The following GALNT13 variants were observed in gnomAD, a reference collection of about 807,000 sequenced individuals.
GALNT13 encodes polypeptide N-acetylgalactosaminyltransferase 13.
A neutral mutation model predicts 64.2 loss-of-function variants in GALNT13; 28 were observed. That is an observed-to-expected ratio of 0.44 (90% CI 0.32 to 0.60). The LOEUF (loss-of-function observed/expected upper bound fraction) is 0.60. GALNT13 is among the 20% of genes least tolerant of loss of function. The probability of loss-of-function intolerance (pLI) is 0.05; values close to 1 mark genes in which losing one functional copy is unlikely to be tolerated. For synonymous variants in GALNT13, 214 were observed against 224.6 expected (o/e 0.95, Z 0.42); for missense variants, 577 against 669.8 (o/e 0.86, Z 1.53).
intron 10 of GALNT13, among the ~76,000 whole-genome samples, chr2:154,404,301 TG>T (rs1559136763): frequency 2.0e-5 from 3 of 152,206 alleles, no homozygotes; most frequent in East Asian, 3.8e-4. Context: ...CTGGAAAAAT[TG>T]GTGGCAGCAA....
At chr2:153,077,980 G>A in the GALNT13 span, among the ~76,000 whole-genome samples, 7 of 152,106 alleles carry the variant, frequency 4.6e-5, 1 homozygote, top group African/African-American at 1.7e-4. Flanking sequence ...GTTCCAGTCT[G>A]GTTTTGTATT....
At chr2:153,672,530 A>C in the GALNT13 span, among the ~76,000 whole-genome samples, 3 of 152,208 alleles carry the variant, frequency 2.0e-5, no homozygotes, top group African/African-American at 7.2e-5. Context: ...ACATACCAGA[A>C]TCTCTGGGAC....
chr2:154,157,709 T>A (rs1684501507), intron 4 of GALNT13, among the ~76,000 whole-genome samples: 1 of 152,226 alleles, frequency 6.6e-6, no homozygotes, highest in African/African-American at 2.4e-5. Context: ...CATTTTGTTT[T>A]GAATTCCCTG....
chr2:153,329,916 C>T, the GALNT13 span, among the ~76,000 whole-genome samples: 4 of 152,248 alleles, frequency 2.6e-5, no homozygotes, highest in Admixed American at 2.0e-4. Flanking sequence ...TGAGGTCTTA[C>T]GTATGAATGT....
At chr2:153,373,554 C>A in the GALNT13 span, among the ~76,000 whole-genome samples, 1 of 152,094 alleles carries the variant, frequency 6.6e-6, no homozygotes, top group Non-Finnish European at 1.5e-5. Context: ...TTAGGAAATG[C>A]ATACATTTGC....
intron 4 of GALNT13, among the ~76,000 whole-genome samples, chr2:154,203,738 A>T (rs1032136172): frequency 9.2e-5 from 14 of 151,994 alleles, no homozygotes; most frequent in African/African-American, 3.4e-4. Flanking sequence ...CTCAATTTCC[A>T]CTACATGAAA....
chr2:154,451,224 G>A lies in GALNT13; in HGVS notation c.*673G>A, dbSNP rs1701860026. On this transcript the variant is annotated 3_prime_UTR_variant, in exon 13 of 13. Coordinates refer to ENST00000392825, the MANE Select transcript of GALNT13 (RefSeq NM_052917.4). Reference sequence around the variant, plus strand: ...ATCCGCGAAGCATTGAGGGGAACAAGATGAGTCTAATCCGCAGCACTTCGA... The same window carrying A: ...ATCCGCGAAGCATTGAGGGGAACAAAATGAGTCTAATCCGCAGCACTTCGA... 1 of 152,142 alleles carries A rather than the reference G, an allele frequency of 6.6e-6. No homozygotes were observed. The highest frequency in any genetic ancestry group is 2.1e-4 in the South Asian group (1 of 4,830). 9.4% of individuals were successfully genotyped at this position (152,142 alleles called of 1,614,324 possible).
chr2:154,160,577 A>C (rs1443238051), intron 4 of GALNT13, among the ~76,000 whole-genome samples: 1 of 152,142 alleles, frequency 6.6e-6, no homozygotes, highest in African/African-American at 2.4e-5. Flanking sequence ...ATTAAAAAAA[A>C]CCAAGTCATG....
At chr2:154,006,835 A>G (rs747290183) in intron 3 of GALNT13, among the ~76,000 whole-genome samples, 31 of 152,292 alleles carry the variant, frequency 2.0e-4, no homozygotes, top group Non-Finnish European at 4.0e-4. Flanking sequence ...TGATACCACT[A>G]AAGTGTTACA....
intron 9 of GALNT13, among the ~76,000 whole-genome samples, chr2:154,367,823 G>T (rs1385899949): frequency 1.3e-5 from 2 of 152,132 alleles, no homozygotes; most frequent in African/African-American, 4.8e-5. Context: ...CATAGATAAA[G>T]AATTCTCTGA....
At chr2:153,650,760 C>T in the GALNT13 span, among the ~76,000 whole-genome samples, 2 of 151,850 alleles carry the variant, frequency 1.3e-5, no homozygotes, top group East Asian at 3.9e-4. Flanking sequence ...GGTTAATACC[C>T]AGGCAAACAG....
At chr2:153,944,711 T>C (rs906323517) in intron 3 of GALNT13, 72 bp downstream of exon 3, 24 of 1,314,830 alleles carry the variant, frequency 1.8e-5, no homozygotes, top group Non-Finnish European at 2.5e-5. Context: ...ATGAGAAACT[T>C]CAGAATCAGA....
At chr2:153,772,507 C>T in the GALNT13 span, among the ~76,000 whole-genome samples, 1 of 152,176 alleles carries the variant, frequency 6.6e-6, no homozygotes, top group Non-Finnish European at 1.5e-5. Flanking sequence ...TGCCCACTTT[C>T]TCCTCCCTGA....
At chr2:153,068,809 T>C in the GALNT13 span, among the ~76,000 whole-genome samples, 1 of 152,208 alleles carries the variant, frequency 6.6e-6, no homozygotes, top group African/African-American at 2.4e-5. Flanking sequence ...ACAGTGGTGC[T>C]TTAGGGGAGC....
chr2:153,109,252 G>A, the GALNT13 span, among the ~76,000 whole-genome samples: 65 of 152,246 alleles, frequency 4.3e-4, no homozygotes, highest in South Asian at 0.011. Flanking sequence ...AAACAGTCAA[G>A]CCAAAGGTTG....
At chr2:154,078,388 G>C (rs1168945838) in intron 3 of GALNT13, among the ~76,000 whole-genome samples, 1 of 151,396 alleles carries the variant, frequency 6.6e-6, no homozygotes, top group African/African-American at 2.4e-5. Flanking sequence ...TTTTCTTCTT[G>C]ATAAAGGATT....
chr2:154,370,923 C>T (rs985973867), intron 9 of GALNT13, among the ~76,000 whole-genome samples: 3 of 151,922 alleles, frequency 2.0e-5, no homozygotes, highest in Non-Finnish European at 2.9e-5. Context: ...AGAAGGCCAA[C>T]ATAAGAGGAG....
chr2:154,282,744 C>T (rs1353734354), intron 8 of GALNT13, among the ~76,000 whole-genome samples: 4 of 152,148 alleles, frequency 2.6e-5, no homozygotes, highest in South Asian at 2.1e-4. Flanking sequence ...GGAAAGAATC[C>T]TCAGGTGTGC....
intron 10 of GALNT13, among the ~76,000 whole-genome samples, chr2:154,407,428 G>A (rs1041776521): frequency 6.6e-6 from 1 of 152,062 alleles, no homozygotes; most frequent in Non-Finnish European, 1.5e-5. Flanking sequence ...CAGACTATGT[G>A]CAACCTATAC....
Sources: gnomAD v4.1 joint callset for allele counts (sites outside exome capture counted in the v4.1 genomes callset) on GRCh38, gnomAD v4.1.1 for gene constraint, MANE v1.5 for transcripts, NCBI Gene and HGNC (gene_info 2026-07-23, HGNC 2026-07-21) for gene names.